ZNF713: variants seen among roughly 807,000 people sequenced by gnomAD.
ZNF713 encodes zinc finger protein 713.
Under a neutral mutation model 28.7 loss-of-function variants are expected in ZNF713, and 21 were observed. That is an observed-to-expected ratio of 0.73 (90% CI 0.52 to 1.05). The LOEUF is 1.05. ZNF713 is among the 50% of genes least tolerant of loss of function. The probability of loss-of-function intolerance (pLI) is 0.00; values close to 1 mark genes in which losing one functional copy is unlikely to be tolerated. For synonymous variants in ZNF713, 167 were observed against 178.0 expected (o/e 0.94, Z 0.49); for missense variants, 458 against 532.4 (o/e 0.86, Z 1.37).
At chr7:55,898,821 A>AG (rs1785519902) in intron 1 of ZNF713, among the ~76,000 whole-genome samples, 1 of 152,214 alleles carries the variant, frequency 6.6e-6, no homozygotes, top group African/African-American at 2.4e-5. Context: ...CTCTAAAAAA[A>AG]AAGACAACAT....
chr7:55,913,088 G>A (rs1785814551), intron 4 of ZNF713, among the ~76,000 whole-genome samples: 1 of 151,938 alleles, frequency 6.6e-6, no homozygotes, highest in Non-Finnish European at 1.5e-5. Context: ...ACTGCTTGGA[G>A]CTAATGGGAT....
chr7:55,892,905 A>G (rs1432535738), intron 1 of ZNF713, among the ~76,000 whole-genome samples: 1 of 149,080 alleles, frequency 6.7e-6, no homozygotes, highest in African/African-American at 2.5e-5. Flanking sequence ...GTAATAGGAG[A>G]CAAGGCATAC....
At chr7:55,892,555 C>CGAAAAAAAAAA in intron 1 of ZNF713, among the ~76,000 whole-genome samples, 1 of 74,366 alleles carries the variant, frequency 1.3e-5, no homozygotes, top group Non-Finnish European at 2.3e-5. Context: ...AAGCACTGAC[C>CGAAAAAAAAAA]AAAAAAAAAA....
chr7:55,891,735 A>C (rs1343521420), intron 1 of ZNF713, among the ~76,000 whole-genome samples: 3 of 150,372 alleles, frequency 2.0e-5, no homozygotes, highest in African/African-American at 7.4e-5. Context: ...TGAGTATATA[A>C]ACGCCTGCAA....
chr7:55,933,701 G>A (rs1786289146), intron 6 of ZNF713, among the ~76,000 whole-genome samples: 1 of 152,040 alleles, frequency 6.6e-6, no homozygotes, highest in Non-Finnish European at 1.5e-5. Context: ...GTTTTGTTTT[G>A]TTTTTGTCGT....
chr7:55,892,599 G>A lies in ZNF713; in HGVS notation c.-583+4919G>A, dbSNP rs186566297. Among the ~76,000 whole-genome samples, 144 of 149,346 alleles carry A rather than the reference G, an allele frequency of 9.6e-4. 1 individual carries two copies. In the East Asian group the frequency reaches 0.014, roughly 15 times the overall value. ...AAAAACAAAGCAGAATAGGCTGGGC[G>A]CGGTGGCTCACGCCTGTAATCCCAG... On this transcript the variant is annotated intron_variant, in intron 1 of 6. Transcript: ENST00000429591.
intron 6 of ZNF713, among the ~76,000 whole-genome samples, chr7:55,926,846 G>A (rs1050942675): frequency 6.6e-6 from 1 of 152,174 alleles, no homozygotes; most frequent in Non-Finnish European, 1.5e-5. Flanking sequence ...CAGCTAGACT[G>A]AGGGCCGGGC....
At chr7:55,924,786 A>T (rs1421618908) in intron 6 of ZNF713, 1 of 152,182 alleles carries the variant, frequency 6.6e-6, no homozygotes, top group African/African-American at 2.4e-5. Context: ...GAGGCAAGAG[A>T]ATTGCTTAAA....
chr7:55,908,659 G>C (rs1311731982), intron 2 of ZNF713, among the ~76,000 whole-genome samples: 3 of 151,698 alleles, frequency 2.0e-5, no homozygotes, highest in Admixed American at 6.6e-5. Context: ...TCAGATGCAT[G>C]GTTTGCAAAT....
chr7:55,938,006 TCAGC>T (rs1337402918), intron 6 of ZNF713, among the ~76,000 whole-genome samples: 23 of 151,978 alleles, frequency 1.5e-4, no homozygotes, highest in African/African-American at 5.6e-4. Flanking sequence ...GAGTTTGAGA[TCAGC>T]CTGGCCAACA....
At chr7:55,928,744 T>C (rs1038479709) in intron 6 of ZNF713, among the ~76,000 whole-genome samples, 3 of 152,128 alleles carry the variant, frequency 2.0e-5, no homozygotes, top group African/African-American at 7.2e-5. Context: ...TAGGAGAAAC[T>C]TTAAACACTT....
At chr7:55,913,195 C>CTTTTTT (rs66851959) in intron 4 of ZNF713, among the ~76,000 whole-genome samples, 4 of 88,138 alleles carry the variant, frequency 4.5e-5, no homozygotes, top group Non-Finnish European at 6.1e-5. Context: ...GTTTTGATTC[C>CTTTTTT]TTTTTTTTTT....
intron 1 of ZNF713, among the ~76,000 whole-genome samples, chr7:55,892,251 C>T (rs1785393257): frequency 7.6e-6 from 1 of 131,574 alleles, no homozygotes; most frequent in Middle Eastern, 5.5e-3. Flanking sequence ...GCACTCCAGC[C>T]TGGGCGACAG....
chr7:55,931,833 T>C (rs954083261), intron 6 of ZNF713, among the ~76,000 whole-genome samples: 17 of 152,312 alleles, frequency 1.1e-4, no homozygotes, highest in African/African-American at 4.1e-4. Flanking sequence ...AAGCTAGAGC[T>C]TAGGCAATGA....
At chr7:55,936,123 G>T (rs549440496) in intron 6 of ZNF713, among the ~76,000 whole-genome samples, 1 of 151,278 alleles carries the variant, frequency 6.6e-6, no homozygotes, top group African/African-American at 2.4e-5. Context: ...AAATTAGCCA[G>T]GCATGATAGT....
Position 55,904,082 on chromosome 7 carries a change from G to GCCAGACTGTATCTTTAAAAAAA in ZNF713, c.-582-2171_-582-2170insCCAGACTGTATCTTTAAAAAAA. On this transcript the variant is annotated intron_variant, in intron 1 of 6. Transcript: ENST00000429591. Reference sequence around the variant, plus strand: ...ATAAAAGGCAGGCAAAGGAAAAAGAGACTAGATCACAGCTCCCTGAGAGAG... The same window carrying GCCAGACTGTATCTTTAAAAAAA: ...ATAAAAGGCAGGCAAAGGAAAAAGAGCCAGACTGTATCTTTAAAAAAAACTAGATCACAGCTCCCTGAGAGAG... 1.7e-3 allele frequency among the ~76,000 whole-genome samples: 218 copies of GCCAGACTGTATCTTTAAAAAAA among 126,580 alleles called. 15 individuals are homozygous for GCCAGACTGTATCTTTAAAAAAA. Among genetic ancestry groups the GCCAGACTGTATCTTTAAAAAAA allele is most frequent in the East Asian group, 3.4e-3 (13 of 3,838 alleles). 83.0% of individuals were successfully genotyped at this position (126,580 alleles called of 152,430 possible).
At chr7:55,889,196 G>C (rs1004280509) in intron 1 of ZNF713, among the ~76,000 whole-genome samples, 9 of 151,566 alleles carry the variant, frequency 5.9e-5, no homozygotes, top group Admixed American at 5.3e-4. Context: ...CTGCCTCCTG[G>C]GTTCAAATGA....
At position 55,912,647 on chromosome 7, in the gene ZNF713, A is replaced by G. The variant is rs1362340320; in HGVS notation, c.11A>G (p.Gln4Arg). 2 of 1,612,194 alleles carry G rather than the reference A, an allele frequency of 1.2e-6. No homozygotes were observed. The highest frequency in any genetic ancestry group is 1.7e-6 in the Non-Finnish European group (2 of 1,179,060). The change falls in exon 4 of 7, where the codon CAG (glutamine) becomes CGG (arginine). Residue 4 changes from glutamine (Q) to arginine (R), a missense_variant. Physicochemically the swap from Gln to Arg is conservative, Grantham distance 43. Coordinates refer to ENST00000429591, the MANE Select transcript of ZNF713 (RefSeq NM_182633.3). MPS[Q>R]NAVFSQEGNM... ...CTCTTTTTCCTAGTTATGCCTTCTC[A>G]GAATGCTGTTTTTTCTCAGGAGGGG...
At chr7:55,909,980 TG>T (rs1339858329) in intron 2 of ZNF713, among the ~76,000 whole-genome samples, 1 of 151,818 alleles carries the variant, frequency 6.6e-6, no homozygotes, top group African/African-American at 2.4e-5. Context: ...TATGTGTGTG[TG>T]TGTGTGTGTG....
Sources: allele counts gnomAD v4.1 joint callset (sites outside exome capture counted in the v4.1 genomes callset), GRCh38; gene constraint gnomAD v4.1.1; transcripts MANE v1.5; gene names NCBI Gene and HGNC (gene_info 2026-07-23, HGNC 2026-07-21).